Variants in ZNF331 observed in about 807,000 individuals in gnomAD.
The protein encoded by ZNF331 is C2H2-like zinc finger protein rearranged in thyroid adenomas.
A neutral mutation model predicts 7.0 loss-of-function variants in ZNF331; 2 were observed. The ratio of observed to expected loss-of-function variants is 0.29; its 90% CI spans 0.12 to 0.90. The LOEUF (loss-of-function observed/expected upper bound fraction) is 0.90, where lower values mean the gene tolerates loss of function less well. ZNF331 is among the 40% of genes least tolerant of loss of function. ZNF331 has a pLI of 0.58. For missense variants in ZNF331, 432 were observed against 587.7 expected (o/e 0.74, Z 2.74); for synonymous variants, 196 against 205.4 (o/e 0.95, Z 0.39).
At chr19:53,529,094 T>A (rs1200767587) in intron 2 of ZNF331, among the ~76,000 whole-genome samples, 3 of 152,262 alleles carry the variant, frequency 2.0e-5, no homozygotes, top group Non-Finnish European at 4.4e-5. Context: ...ACCTATTTTT[T>A]TGATTTTTTT....
chr19:53,550,563 G>T, intron 2 of ZNF331, among the ~76,000 whole-genome samples: 2 of 87,724 alleles, frequency 2.3e-5, no homozygotes, highest in Admixed American at 1.7e-4. Context: ...TTGAGTTAGA[G>T]TCTCGCTGTA....
At chr19:53,556,196 TCG>T (rs1370573329) in intron 3 of ZNF331, among the ~76,000 whole-genome samples, 15 of 135,412 alleles carry the variant, frequency 1.1e-4, no homozygotes, top group African/African-American at 3.7e-4. Context: ...TGAGCCGAGA[TCG>T]CACCGCTTCA....
the ZNF331 span, among the ~76,000 whole-genome samples, chr19:53,510,141 A>C: frequency 6.6e-6 from 1 of 152,184 alleles, no homozygotes; most frequent in African/African-American, 2.4e-5. Flanking sequence ...GTCCTATGTG[A>C]TGGAACATCC....
At chr19:53,507,038 A>C in the ZNF331 span, among the ~76,000 whole-genome samples, 1 of 152,156 alleles carries the variant, frequency 6.6e-6, no homozygotes, top group South Asian at 2.1e-4. Flanking sequence ...CAGCAGAGGT[A>C]ACTGACAGAA....
intron 2 of ZNF331, among the ~76,000 whole-genome samples, chr19:53,528,351 G>A (rs2087388668): frequency 6.7e-6 from 1 of 149,990 alleles, no homozygotes; most frequent in Non-Finnish European, 1.5e-5. Context: ...GAAAACAGCA[G>A]CCTCATGTTT....
chr19:53,529,912 T>A (rs1568463182), intron 2 of ZNF331, among the ~76,000 whole-genome samples: 1 of 152,120 alleles, frequency 6.6e-6, no homozygotes, highest in South Asian at 2.1e-4. Flanking sequence ...GAAGGGAACA[T>A]CATTCTGACA....
rs1181346363 is a variant in ZNF331, at chr19:53,559,364, TAC to T, written c.-74+3465_-74+3466del. On this transcript the variant is annotated intron_variant, in intron 3 of 5. Coordinates refer to ENST00000449416, the MANE Select transcript of ZNF331 (RefSeq NM_001079906.2). ...CACATATACACACCATACACACATA[TAC>T]ACACACACCCCATATATACACATAC... Among the ~76,000 whole-genome samples the T allele has an allele frequency of 2.5e-3, 370 of 147,090 alleles. 2 individuals are homozygous for T. Among genetic ancestry groups the T allele is most frequent in the African/African-American group, 8.8e-3 (342 of 38,946 alleles).
chr19:53,529,400 T>TA (rs369822556), intron 2 of ZNF331, among the ~76,000 whole-genome samples: 2,619 of 148,898 alleles, frequency 0.018, 80 homozygotes, highest in African/African-American at 0.06. Context: ...ACTCTGTCTT[T>TA]TAAAAAAAAA....
chr19:53,528,975 C>T (rs185104167), intron 2 of ZNF331, among the ~76,000 whole-genome samples: 2 of 152,058 alleles, frequency 1.3e-5, no homozygotes, highest in Admixed American at 1.3e-4. Flanking sequence ...TTAGTAGAGA[C>T]GAGGTTTCAC....
chr19:53,549,207 AT>A (rs775967469), intron 2 of ZNF331, among the ~76,000 whole-genome samples: 5 of 151,960 alleles, frequency 3.3e-5, no homozygotes, highest in Non-Finnish European at 7.4e-5. Context: ...TCCTTTCCCC[AT>A]TGTGTGATGT....
At chr19:53,572,596 A>G (rs1161111320) in intron 5 of ZNF331, among the ~76,000 whole-genome samples, 4 of 62,330 alleles carry the variant, frequency 6.4e-5, no homozygotes, top group Admixed American at 5.2e-4. Context: ...TATATATTAT[A>G]TATACACATA....
At position 53,569,775 on chromosome 19, in the gene ZNF331, C is replaced by T. The variant is rs909014780; in HGVS notation, c.9+390C>T. On this transcript the variant is annotated intron_variant, in intron 4 of 5. Coordinates refer to ENST00000449416, the MANE Select transcript of ZNF331 (RefSeq NM_001079906.2). ...GATAAGAGGGAATGCTCATATTCGC[C>T]GGTCTGTCTTAGTATGTGCTCAGAT... 4.6e-5 allele frequency among the ~76,000 whole-genome samples: 7 copies of T among 152,046 alleles called. 1 individual carries two copies. Among genetic ancestry groups the T allele is most frequent in the Admixed American group, 2.6e-4 (4 of 15,252 alleles).
At chr19:53,556,115 C>T (rs994239864) in intron 3 of ZNF331, among the ~76,000 whole-genome samples, 11 of 151,154 alleles carry the variant, frequency 7.3e-5, no homozygotes, top group South Asian at 2.1e-4. Context: ...TGGTGGTGGG[C>T]GCCTGTAGTC....
chr19:53,509,758 G>GCTT, the ZNF331 span, among the ~76,000 whole-genome samples: 1 of 152,140 alleles, frequency 6.6e-6, no homozygotes, highest in African/African-American at 2.4e-5. Context: ...GAAACTCTGG[G>GCTT]CTTCTATTAG....
At chr19:53,529,256 C>T (rs1230966958) in intron 2 of ZNF331, among the ~76,000 whole-genome samples, 1 of 151,878 alleles carries the variant, frequency 6.6e-6, no homozygotes, top group Non-Finnish European at 1.5e-5. Context: ...AAAAATTAGC[C>T]GGGCGTGGTG....
intron 5 of ZNF331, among the ~76,000 whole-genome samples, chr19:53,572,800 G>A (rs2090527585): frequency 6.6e-6 from 1 of 152,038 alleles, no homozygotes; most frequent in African/African-American, 2.4e-5. Flanking sequence ...GAAACACAGT[G>A]ATGCAGTCAG....
At chr19:53,533,253 C>T (rs1390986142), upstream of ZNF331, among the ~76,000 whole-genome samples, 2 of 152,128 alleles carry the variant, frequency 1.3e-5, no homozygotes, top group Admixed American at 6.5e-5. Context: ...CCTTGACCTA[C>T]TGGTACTTAT....
upstream of ZNF331, among the ~76,000 whole-genome samples, chr19:53,536,718 A>G (rs142907923): frequency 0.073 from 11,038 of 152,190 alleles, 531 homozygotes; most frequent in Non-Finnish European, 0.11. Context: ...TGACCAACAT[A>G]GAGAAACCCC....
intron 2 of ZNF331, among the ~76,000 whole-genome samples, chr19:53,541,015 C>A (rs28812774): frequency 6.6e-5 from 10 of 152,088 alleles, no homozygotes; most frequent in Admixed American, 2.0e-4. Context: ...CTTAATTCCC[C>A]TTTGCCATGT....
Sources: allele counts gnomAD v4.1 joint callset (sites outside exome capture counted in the v4.1 genomes callset), GRCh38; gene constraint gnomAD v4.1.1; transcripts MANE v1.5; gene names NCBI Gene and HGNC (gene_info 2026-07-23, HGNC 2026-07-21).